The following EDIL3 variants were observed in gnomAD, a reference collection of about 807,000 sequenced individuals.
EDIL3 encodes the protein EGF like and discoidin domains 3.
Under a neutral mutation model 67.4 loss-of-function variants are expected in EDIL3, and 37 were observed. That is an observed-to-expected ratio of 0.55 (90% CI 0.42 to 0.72). The LOEUF is 0.72. Ranked by LOEUF, EDIL3 falls within the 30% of genes least tolerant of loss-of-function variation. EDIL3 has a pLI of 0.00. For synonymous variants in EDIL3, 195 were observed against 196.3 expected (o/e 0.99, Z 0.05); for missense variants, 527 against 586.3 (o/e 0.90, Z 1.04).
intron 1 of EDIL3, among the ~76,000 whole-genome samples, chr5:84,358,393 T>C (rs1747530456): frequency 6.6e-6 from 1 of 152,168 alleles, no homozygotes; most frequent in Non-Finnish European, 1.5e-5. Context: ...AATTCCTTTT[T>C]GCTATTGCTT....
intron 1 of EDIL3, among the ~76,000 whole-genome samples, chr5:84,303,854 G>T (rs866780759): frequency 7.0e-6 from 1 of 142,800 alleles, no homozygotes; most frequent in African/African-American, 2.8e-5. Context: ...GTGTGTTTGT[G>T]TGTGTGTGTG....
intron 3 of EDIL3, among the ~76,000 whole-genome samples, chr5:84,204,135 G>A (rs1743909060): frequency 6.6e-6 from 1 of 152,158 alleles, no homozygotes; most frequent in African/African-American, 2.4e-5. Flanking sequence ...TGGTCATTTA[G>A]TGAATAAACT....
intron 4 of EDIL3, among the ~76,000 whole-genome samples, chr5:84,177,726 G>C (rs1166597962): frequency 6.6e-6 from 1 of 152,030 alleles, no homozygotes; most frequent in Non-Finnish European, 1.5e-5. Context: ...TAAAACTGCT[G>C]TAAAAATTAA....
chr5:84,025,232 A>G (rs1054172214), intron 9 of EDIL3, among the ~76,000 whole-genome samples: 3 of 152,158 alleles, frequency 2.0e-5, no homozygotes, highest in Non-Finnish European at 4.4e-5. Flanking sequence ...CCCCTGGGCC[A>G]TGAACCAGTA....
intron 1 of EDIL3, among the ~76,000 whole-genome samples, chr5:84,353,225 C>T (rs545860413): frequency 6.6e-6 from 1 of 152,270 alleles, no homozygotes; most frequent in South Asian, 2.1e-4. Flanking sequence ...TGAATAGCTG[C>T]TGTGCCCAAT....
chr5:84,340,503 A>ACTCTCTCTCTCTCTCTCT (rs1170972212), intron 1 of EDIL3, among the ~76,000 whole-genome samples: 5 of 38,678 alleles, frequency 1.3e-4, no homozygotes, highest in East Asian at 1.4e-3. Flanking sequence ...AGGGAAGATT[A>ACTCTCTCTCTCTCTCTCT]CTCTCTCTCT....
intron 3 of EDIL3, among the ~76,000 whole-genome samples, chr5:84,223,045 A>G (rs774857235): frequency 2.0e-5 from 3 of 151,794 alleles, no homozygotes; most frequent in Non-Finnish European, 4.4e-5. Context: ...CATCCAAAAA[A>G]TCATAGTCAA....
At position 84,321,998 on chromosome 5, in the gene EDIL3, C is replaced by T. The variant is rs80106443; in HGVS notation, c.67+62310G>A. Among the ~76,000 whole-genome samples the T allele has an allele frequency of 6.3e-3, 955 of 151,738 alleles. 4 individuals are homozygous for T. Among genetic ancestry groups the T allele is most frequent in the African/African-American group, 0.021 (874 of 41,390 alleles). ...AGATTCAGAAAAGACCTGAGAAGAC[C>T]TTAAGTTTACACTTTGAAGTAATTC... On this transcript the variant is annotated intron_variant, in intron 1 of 10. Coordinates refer to ENST00000296591, the MANE Select transcript of EDIL3 (RefSeq NM_005711.5).
At chr5:84,033,814 A>G (rs1052510188) in intron 9 of EDIL3, among the ~76,000 whole-genome samples, 9 of 152,126 alleles carry the variant, frequency 5.9e-5, no homozygotes, top group Middle Eastern at 3.4e-3. Context: ...GCTGCCAGCT[A>G]TCACCTGATA....
At chr5:84,281,129 A>C (rs1332119495) in intron 1 of EDIL3, among the ~76,000 whole-genome samples, 1 of 152,094 alleles carries the variant, frequency 6.6e-6, no homozygotes, top group African/African-American at 2.4e-5. Context: ...TATTTAAGGA[A>C]TCTTATAAGT....
chr5:84,060,365 G>T lies in EDIL3; in HGVS notation c.1072C>A (p.Leu358Met). 1.2e-6 allele frequency: 2 copies of T among 1,613,856 alleles called. No individual in the cohort carries two copies. Among genetic ancestry groups the T allele is most frequent in the Non-Finnish European group, 1.7e-6 (2 of 1,179,850 alleles). The change falls in exon 9 of 11, where the codon CTG becomes ATG. Residue 358 changes from leucine (L) to methionine (M), a missense_variant. Around this residue, in one of 2 missense-constraint regions of EDIL3, gnomAD observed 494 missense variants for 522.5 expected, o/e 0.95. Transcript: ENST00000296591. ...MFTWEPRKAR[L>M]DKQGKVNAWT... ...GCATTCACTTTGCCTTGCTTGTCCA[G>T]CCGAGCTTTCCTTGGTTCCCAAGTG...
intron 9 of EDIL3, among the ~76,000 whole-genome samples, chr5:84,037,836 T>G (rs1025830383): frequency 9.9e-5 from 15 of 152,268 alleles, no homozygotes; most frequent in African/African-American, 3.6e-4. Context: ...ACAAAGTCTT[T>G]CACCATGAAT....
At chr5:84,213,069 C>T (rs1008798514) in intron 3 of EDIL3, among the ~76,000 whole-genome samples, 5 of 150,988 alleles carry the variant, frequency 3.3e-5, no homozygotes, top group Admixed American at 1.3e-4. Context: ...CCTCTTCTAA[C>T]AGCTCTATAA....
At chr5:84,232,923 AC>A (rs965530834) in intron 2 of EDIL3, among the ~76,000 whole-genome samples, 1 of 152,206 alleles carries the variant, frequency 6.6e-6, no homozygotes, top group African/African-American at 2.4e-5. Context: ...CTTATTAATG[AC>A]ATTTCTGCGA....
intron 10 of EDIL3, among the ~76,000 whole-genome samples, chr5:83,962,978 T>G (rs546875751): frequency 6.6e-6 from 1 of 151,692 alleles, no homozygotes; most frequent in African/African-American, 2.4e-5. Context: ...ATTAATAGTA[T>G]GAAAAATATT....
chr5:84,197,791 T>C (rs947469858), intron 3 of EDIL3, among the ~76,000 whole-genome samples: 4 of 152,028 alleles, frequency 2.6e-5, no homozygotes, highest in Admixed American at 6.6e-5. Context: ...AAGATTTGCA[T>C]AGCCTGATTA....
At chr5:84,228,784 GCA>G (rs914563543) in intron 3 of EDIL3, among the ~76,000 whole-genome samples, 6 of 152,024 alleles carry the variant, frequency 3.9e-5, no homozygotes, top group African/African-American at 7.2e-5. Flanking sequence ...GTCCAGTTTT[GCA>G]CAGAGATAGA....
intron 3 of EDIL3, among the ~76,000 whole-genome samples, chr5:84,197,443 A>G (rs1743734852): frequency 2.0e-5 from 3 of 151,846 alleles, no homozygotes; most frequent in African/African-American, 7.2e-5. Flanking sequence ...AAGTTAAGTA[A>G]AGCAGTCAGG....
chr5:84,161,012 C>T (rs1748603794), intron 4 of EDIL3, among the ~76,000 whole-genome samples: 1 of 151,898 alleles, frequency 6.6e-6, no homozygotes, highest in Non-Finnish European at 1.5e-5. Flanking sequence ...TCTTCACAAG[C>T]CCCTATGGTT....
Sources: allele counts gnomAD v4.1 joint callset (sites outside exome capture counted in the v4.1 genomes callset), GRCh38; gene constraint gnomAD v4.1.1; regional missense constraint gnomAD v4.1.1; transcripts MANE v1.5; gene names NCBI Gene and HGNC (gene_info 2026-07-23, HGNC 2026-07-21).